SGCZ: variants seen among roughly 807,000 people sequenced by gnomAD.
The protein encoded by SGCZ is sarcoglycan zeta.
A neutral mutation model predicts 41.3 loss-of-function variants in SGCZ; 40 were observed. That is an observed-to-expected ratio of 0.97 (90% CI 0.75 to 1.26). SGCZ has a LOEUF of 1.26. Ranked by LOEUF, SGCZ falls within the 50% of genes most tolerant of loss-of-function variation. The pLI, the probability that SGCZ is intolerant of heterozygous loss-of-function variation, is 0.00. For missense variants in SGCZ, 552 were observed against 369.8 expected (o/e 1.49, Z -4.04); for synonymous variants, 206 against 137.5 (o/e 1.50, Z -3.49).
chr8:14,689,691 T>C (rs1270554212), intron 1 of SGCZ, among the ~76,000 whole-genome samples: 2 of 152,206 alleles, frequency 1.3e-5, no homozygotes, highest in South Asian at 4.1e-4. Context: ...TCAGGGACTA[T>C]CTACAGCTGC....
intron 1 of SGCZ, among the ~76,000 whole-genome samples, chr8:14,899,145 A>C (rs1359685516): frequency 6.6e-6 from 1 of 152,124 alleles, no homozygotes; most frequent in Non-Finnish European, 1.5e-5. Flanking sequence ...GTTTATCAAG[A>C]CCCTTTACAT....
intron 4 of SGCZ, among the ~76,000 whole-genome samples, chr8:14,231,160 A>AGGGTGTGTGTGT (rs141922150): frequency 1.8e-5 from 2 of 112,036 alleles, no homozygotes; most frequent in Non-Finnish European, 1.8e-5. Context: ...TCTTTGGGCA[A>AGGGTGTGTGTGT]GTGTGTGTGT....
chr8:14,392,411 G>A lies in SGCZ; in HGVS notation c.235-68207C>T, dbSNP rs141200609. 9.4e-3 allele frequency among the ~76,000 whole-genome samples: 1,429 copies of A among 152,216 alleles called. 14 individuals carry two copies. Among genetic ancestry groups the A allele is most frequent in the African/African-American group, 0.022 (907 of 41,546 alleles). On this transcript the variant is annotated intron_variant, in intron 2 of 7. Transcript: ENST00000382080. ...ATCATCACTGAACTGAGGAGCCCAT[G>A]GTAATCAAAATGATATGAATGAGTT... is the stretch of plus-strand genomic sequence containing the variant.
intron 1 of SGCZ, among the ~76,000 whole-genome samples, chr8:14,746,353 A>T (rs1447842780): frequency 6.6e-6 from 1 of 151,540 alleles, no homozygotes; most frequent in African/African-American, 2.4e-5. Context: ...TATGAATAAA[A>T]TCAGAAATAC....
intron 1 of SGCZ, among the ~76,000 whole-genome samples, chr8:15,161,962 T>C (rs1385441702): frequency 6.6e-6 from 1 of 152,074 alleles, no homozygotes; most frequent in Admixed American, 6.6e-5. Flanking sequence ...GCCCAGGAAG[T>C]GGAGGTTGCA....
chr8:14,325,516 TAATA>T (rs1305140247), intron 2 of SGCZ, among the ~76,000 whole-genome samples: 1 of 147,680 alleles, frequency 6.8e-6, no homozygotes, highest in East Asian at 2.0e-4. Context: ...TAATCATATA[TAATA>T]GATATATAAT....
At chr8:14,577,508 C>T (rs1804748963) in intron 1 of SGCZ, among the ~76,000 whole-genome samples, 1 of 151,084 alleles carries the variant, frequency 6.6e-6, no homozygotes, top group South Asian at 2.1e-4. Flanking sequence ...CCTGTCTCAG[C>T]CTCCGAGTAG....
intron 2 of SGCZ, among the ~76,000 whole-genome samples, chr8:14,362,791 C>G (rs1803573071): frequency 6.6e-6 from 1 of 151,994 alleles, no homozygotes. Flanking sequence ...TCATTAGGAG[C>G]TGTAGACCGG....
intron 1 of SGCZ, among the ~76,000 whole-genome samples, chr8:14,766,764 G>A (rs1800049708): frequency 7.2e-6 from 1 of 139,282 alleles, no homozygotes. Flanking sequence ...TTTTGGGAGA[G>A]ATGGGGTTTT....
intron 1 of SGCZ, among the ~76,000 whole-genome samples, chr8:15,000,941 A>G (rs1802396095): frequency 6.6e-6 from 1 of 152,188 alleles, no homozygotes; most frequent in Admixed American, 6.5e-5. Flanking sequence ...TTCTTTGTGC[A>G]AGACAACAAA....
intron 2 of SGCZ, among the ~76,000 whole-genome samples, chr8:14,537,124 C>A (rs1180036748): frequency 6.6e-6 from 1 of 151,870 alleles, no homozygotes; most frequent in Non-Finnish European, 1.5e-5. Flanking sequence ...CTATCCATCT[C>A]CTGGTTAAAG....
At chr8:14,762,067 T>TGCCA (rs1286270014) in intron 1 of SGCZ, among the ~76,000 whole-genome samples, 72 of 152,190 alleles carry the variant, frequency 4.7e-4, no homozygotes, top group Non-Finnish European at 4.3e-4. Context: ...TTGAGACAGA[T>TGCCA]GCCACATTGA....
intron 1 of SGCZ, among the ~76,000 whole-genome samples, chr8:14,613,834 C>T (rs1806009807): frequency 1.3e-5 from 2 of 151,968 alleles, no homozygotes; most frequent in Admixed American, 1.3e-4. Flanking sequence ...ACTGAAATGG[C>T]AACCAATTCA....
At chr8:14,401,961 C>G (rs954496693) in intron 2 of SGCZ, among the ~76,000 whole-genome samples, 12 of 151,728 alleles carry the variant, frequency 7.9e-5, no homozygotes, top group African/African-American at 2.9e-4. Flanking sequence ...TGTTTCCTGA[C>G]TTTTTAATGA....
intron 1 of SGCZ, among the ~76,000 whole-genome samples, chr8:15,013,943 A>AT (rs1391656525): frequency 8.5e-5 from 13 of 152,142 alleles, no homozygotes; most frequent in Non-Finnish European, 1.6e-4. Context: ...TGTAATTGAT[A>AT]TTTTTTACCT....
chr8:14,579,584 A>G (rs1385592712), intron 1 of SGCZ, among the ~76,000 whole-genome samples: 1 of 152,222 alleles, frequency 6.6e-6, no homozygotes, highest in African/African-American at 2.4e-5. Context: ...GAGAATATAC[A>G]GGTTCAGGGA....
chr8:14,936,351 T>A (rs942048451), intron 1 of SGCZ, among the ~76,000 whole-genome samples: 5 of 151,960 alleles, frequency 3.3e-5, no homozygotes, highest in Non-Finnish European at 7.4e-5. Flanking sequence ...CTAGCCTACC[T>A]TAAATGCTCA....
chr8:15,034,930 C>A (rs116697814), intron 1 of SGCZ, among the ~76,000 whole-genome samples: 1 of 152,100 alleles, frequency 6.6e-6, no homozygotes, highest in Non-Finnish European at 1.5e-5. Flanking sequence ...TCAGTACCAT[C>A]GGACTTGTCT....
intron 1 of SGCZ, among the ~76,000 whole-genome samples, chr8:15,210,597 G>A (rs1284676767): frequency 6.6e-6 from 1 of 152,044 alleles, no homozygotes; most frequent in Non-Finnish European, 1.5e-5. Context: ...TTCACTCCCT[G>A]TCCTCTAGAC....
Sources: gnomAD v4.1 joint callset for allele counts (sites outside exome capture counted in the v4.1 genomes callset) on GRCh38, gnomAD v4.1.1 for gene constraint, MANE v1.5 for transcripts, NCBI Gene and HGNC (gene_info 2026-07-23, HGNC 2026-07-21) for gene names.